GSAP: variants seen among roughly 807,000 people sequenced by gnomAD.
GSAP encodes gamma-secretase activating protein, also known as gamma-secretase-activating protein.
A neutral mutation model predicts 131.7 loss-of-function variants in GSAP; 118 were observed. That is an observed-to-expected ratio of 0.90 (90% CI 0.77 to 1.04). The LOEUF is 1.04. GSAP is among the 50% of genes least tolerant of loss of function. The pLI is 0.00. For synonymous variants in GSAP, 381 were observed against 363.4 expected (o/e 1.05, Z -0.55); for missense variants, 1,019 against 1,013.2 (o/e 1.01, Z -0.08).
At chr7:77,334,344 G>C (rs1262588817) in intron 19 of GSAP, among the ~76,000 whole-genome samples, 5 of 151,880 alleles carry the variant, frequency 3.3e-5, no homozygotes, top group Admixed American at 2.0e-4. Context: ...AATGGCACAT[G>C]TTCTCACTTA....
At chr7:77,377,976 G>C (rs563535707) in intron 8 of GSAP, among the ~76,000 whole-genome samples, 90 of 152,208 alleles carry the variant, frequency 5.9e-4, no homozygotes, top group Admixed American at 1.3e-3. Flanking sequence ...TACACATTGT[G>C]TTCTACACAA....
intron 14 of GSAP, among the ~76,000 whole-genome samples, chr7:77,360,408 T>C (rs1794358964): frequency 6.6e-6 from 1 of 152,196 alleles, no homozygotes; most frequent in Non-Finnish European, 1.5e-5. Context: ...CTTTTCAAGA[T>C]TAGCAACAGG....
chr7:77,408,717 A>G (rs1045414744), intron 1 of GSAP, among the ~76,000 whole-genome samples: 2 of 151,568 alleles, frequency 1.3e-5, no homozygotes, highest in Non-Finnish European at 2.9e-5. Flanking sequence ...AAAAAAAGAA[A>G]AGATAAATTG....
intron 12 of GSAP, among the ~76,000 whole-genome samples, chr7:77,366,379 T>G (rs1187348435): frequency 6.6e-6 from 1 of 152,224 alleles, no homozygotes; most frequent in Non-Finnish European, 1.5e-5. Context: ...GTTTTACATT[T>G]AAGTCTTTAA....
intron 1 of GSAP, chr7:77,415,629 G>A (rs897977234): frequency 1.6e-4 from 24 of 152,332 alleles, no homozygotes; most frequent in African/African-American, 5.3e-4. Flanking sequence ...GCGCAGCCTG[G>A]AGGCGGCCCC....
intron 20 of GSAP, 62 bp from the exon 21 acceptor site, chr7:77,329,453 C>A: frequency 4.6e-6 from 4 of 871,584 alleles, no homozygotes; most frequent in South Asian, 3.5e-5. Context: ...CTTTTCACGT[C>A]AAGGATATAA....
chr7:77,367,425 G>A (rs566487752), intron 12 of GSAP, among the ~76,000 whole-genome samples: 2 of 152,296 alleles, frequency 1.3e-5, no homozygotes, highest in Admixed American at 1.3e-4. Flanking sequence ...GGGGTATTGA[G>A]TTTTATCGAA....
intron 1 of GSAP, among the ~76,000 whole-genome samples, chr7:77,411,697 G>C (rs1465403313): frequency 6.6e-6 from 1 of 152,110 alleles, no homozygotes; most frequent in African/African-American, 2.4e-5. Context: ...TCCCCAAGCT[G>C]ATCTATAGAG....
intron 26 of GSAP, chr7:77,316,366 C>T (rs1794966540): frequency 6.6e-6 from 1 of 152,190 alleles, no homozygotes; most frequent in Non-Finnish European, 1.5e-5. Flanking sequence ...ATGGGATTTT[C>T]TCTCTCTAAA....
chr7:77,366,011 T>C (rs1477849671), intron 12 of GSAP, among the ~76,000 whole-genome samples: 2 of 151,556 alleles, frequency 1.3e-5, no homozygotes, highest in African/African-American at 4.9e-5. Flanking sequence ...TGATACTGAG[T>C]TTTTCACATG....
intron 30 of GSAP, 55 bp downstream of exon 30, chr7:77,311,786 G>T: frequency 1.2e-6 from 1 of 844,104 alleles, no homozygotes; most frequent in South Asian, 1.3e-5. Context: ...AATAGGGAAG[G>T]ACTGATGTGT....
chr7:77,321,452 A>G (rs1338017933), intron 24 of GSAP, 49 bp from the exon 25 acceptor site: 3 of 1,198,294 alleles, frequency 2.5e-6, no homozygotes, highest in Non-Finnish European at 3.7e-6. Flanking sequence ...CCTTCCCTCA[A>G]GGGCCCCACA....
intron 12 of GSAP, among the ~76,000 whole-genome samples, chr7:77,364,078 T>A (rs1402056944): frequency 6.6e-6 from 1 of 152,124 alleles, no homozygotes; most frequent in African/African-American, 2.4e-5. Context: ...TAGTAATAAA[T>A]AAAAATTAAA....
In GSAP at chr7:77,378,083, T is replaced by C. The variant is rs540984175; in HGVS notation, c.577-693A>G. On this transcript the variant is annotated intron_variant, in intron 8 of 30. Coordinates refer to ENST00000257626, the MANE Select transcript of GSAP (RefSeq NM_017439.4). ...TTGACAATTACATTTTAATTAATGC[T>C]ATAAGCCTCCCCCAGTGAGTACGCA... 3.9e-5 allele frequency among the ~76,000 whole-genome samples: 6 copies of C among 152,244 alleles called. No individual in the cohort carries two copies. The East Asian group carries it at 1.2e-3, about 29-fold the overall frequency.
intron 1 of GSAP, 53 bp from the exon 2 acceptor site, chr7:77,406,158 C>G: frequency 1.9e-6 from 2 of 1,053,170 alleles, no homozygotes. Context: ...AAAAACATAT[C>G]TAACCAATAT....
chr7:77,349,460 C>G (rs1356044656), intron 18 of GSAP, 56 bp from the exon 19 acceptor site: 2 of 1,462,702 alleles, frequency 1.4e-6, no homozygotes, highest in African/African-American at 2.8e-5. Flanking sequence ...CTACCACTAG[C>G]TCAAGCTTTC....
chr7:77,389,223 TGC>T (rs1037042725), intron 5 of GSAP, among the ~76,000 whole-genome samples: 21 of 151,800 alleles, frequency 1.4e-4, no homozygotes, highest in African/African-American at 3.4e-4. Flanking sequence ...CCTAAAAGTA[TGC>T]GTGTGTGTAT....
intron 6 of GSAP, among the ~76,000 whole-genome samples, chr7:77,385,529 G>A (rs1713386852): frequency 6.6e-6 from 1 of 151,982 alleles, no homozygotes; most frequent in South Asian, 2.1e-4. Context: ...CCATCTATAT[G>A]GCCCTAACAA....
intron 6 of GSAP, among the ~76,000 whole-genome samples, chr7:77,383,338 AC>A (rs1423034764): frequency 2.0e-5 from 3 of 152,146 alleles, no homozygotes; most frequent in Non-Finnish European, 4.4e-5. Context: ...ACACACACAC[AC>A]ACACAGAGGT....
Sources: gnomAD v4.1 joint callset for allele counts (sites outside exome capture counted in the v4.1 genomes callset) on GRCh38, gnomAD v4.1.1 for gene constraint, MANE v1.5 for transcripts, NCBI Gene and HGNC (gene_info 2026-07-23, HGNC 2026-07-21) for gene names.